Variants in ERCC3 observed in about 807,000 individuals in gnomAD.
The protein encoded by ERCC3 is ERCC excision repair 3, TFIIH core complex helicase subunit, also known as general transcription and DNA repair factor IIH helicase/translocase subunit XPB.
Under a neutral mutation model 94.2 loss-of-function variants are expected in ERCC3, and 66 were observed. The ratio of observed to expected loss-of-function variants is 0.70; its 90% confidence interval spans 0.57 to 0.86. ERCC3 has a LOEUF of 0.86. Ranked by LOEUF, ERCC3 falls within the 40% of genes least tolerant of loss-of-function variation. The pLI, the probability that ERCC3 is intolerant of heterozygous loss-of-function variation, is 0.00. For missense variants in ERCC3, 829 were observed against 987.1 expected (o/e 0.84, Z 2.15); for synonymous variants, 349 against 369.1 (o/e 0.95, Z 0.63).
intron 1 of ERCC3, 125 bp downstream of exon 1, chr2:127,293,929 A>G (rs1412985631): frequency 9.8e-6 from 15 of 1,532,434 alleles, no homozygotes; most frequent in Non-Finnish European, 1.3e-5. Context: ...GCCTGTCCCA[A>G]CGGGGTGCGC....
intron 10 of ERCC3, among the ~76,000 whole-genome samples, chr2:127,273,253 GTCT>G (rs1332154779): frequency 1.3e-4 from 20 of 152,052 alleles, no homozygotes; most frequent in African/African-American, 4.8e-4. Context: ...TCAGCACAGA[GTCT>G]ATACAAGGAG....
chr2:127,292,503 C>G, intron 3 of ERCC3, 107 bp downstream of exon 3: 1 of 822,166 alleles, frequency 1.2e-6, no homozygotes, highest in Non-Finnish European at 2.2e-6. Context: ...CACAGGAAAT[C>G]TGAATGGCAC....
Position 127,293,256 on chromosome 2 carries a change from C to T in ERCC3, c.234+257G>A, listed in dbSNP as rs114792948. 2.3e-3 allele frequency among the ~76,000 whole-genome samples: 354 copies of T among 152,346 alleles called. 1 individual carries two copies. The highest frequency in any genetic ancestry group is 7.7e-3 in the African/African-American group (321 of 41,584). The stretch of plus-strand genomic sequence containing the variant: ...TTTATTCGGCAGATAAAAGGATTCA[C>T]TACATGGGGTAGGGCTGGGGAAGGA... On this transcript the variant is annotated intron_variant, in intron 2 of 14. Transcript: ENST00000285398.
At chr2:127,287,056 T>C in intron 7 of ERCC3, 39 bp from the exon 8 acceptor site, 2 of 1,537,546 alleles carry the variant, frequency 1.3e-6, no homozygotes, top group Non-Finnish European at 1.8e-6. Flanking sequence ...CAAGGACAGG[T>C]TGAAATGAAG....
At chr2:127,273,606 G>C (rs1004857869) in intron 10 of ERCC3, among the ~76,000 whole-genome samples, 1 of 151,804 alleles carries the variant, frequency 6.6e-6, no homozygotes, top group Non-Finnish European at 1.5e-5. Context: ...AAAATTAGCC[G>C]AGTGTGGTGG....
At chr2:127,286,670 A>C in intron 8 of ERCC3, 33 bp downstream of exon 8, 1 of 1,606,178 alleles carries the variant, frequency 6.2e-7, no homozygotes, top group Non-Finnish European at 8.5e-7. Flanking sequence ...TTGTCTGTTC[A>C]GCAAGTGGAC....
At chr2:127,292,387 CA>C in intron 3 of ERCC3, 1 of 613,876 alleles carries the variant, frequency 1.6e-6, no homozygotes, top group Admixed American at 2.2e-5. Context: ...ACCCAGAACA[CA>C]ATGCTGGATC....
intron 10 of ERCC3, among the ~76,000 whole-genome samples, chr2:127,278,808 G>A (rs1006738609): frequency 6.6e-6 from 1 of 152,152 alleles, no homozygotes; most frequent in African/African-American, 2.4e-5. Flanking sequence ...CAGCCCCTAG[G>A]CCATCCAGTC....
rs35007173 is a variant in ERCC3, at chr2:127,279,759, T to TAA, written c.1528-386_1528-385dup. Among the ~76,000 whole-genome samples, 1 of 145,334 alleles carries TAA rather than the reference T, an allele frequency of 6.9e-6. No homozygotes were observed. Among genetic ancestry groups the TAA allele is most frequent in the African/African-American group, 2.5e-5 (1 of 39,678 alleles). ...TGGGTGACAGAGTGAGACCCTGTTTTAAAAAAAAAAAAATGCTATGTGAAT... is the reference window on the plus strand; with the variant it reads ...TGGGTGACAGAGTGAGACCCTGTTTTAAAAAAAAAAAAAAATGCTATGTGAAT... On this transcript the variant is annotated intron_variant, in intron 9 of 14. Transcript: ENST00000285398. The surrounding 1 kb of genome is among the most constrained non-coding windows in gnomAD (Gnocchi z 4.7).
chr2:127,263,794 G>A (rs971024750), intron 12 of ERCC3, among the ~76,000 whole-genome samples: 8 of 149,828 alleles, frequency 5.3e-5, no homozygotes, highest in African/African-American at 1.7e-4. Context: ...TGCAAGCTCC[G>A]CCTCCCAGGT....
chr2:127,283,600 C>T (rs1558959121), intron 8 of ERCC3, among the ~76,000 whole-genome samples: 1 of 152,200 alleles, frequency 6.6e-6, no homozygotes, highest in Non-Finnish European at 1.5e-5. Flanking sequence ...AGGAATGGGA[C>T]TGATGGGTCA....
In ERCC3 at chr2:127,280,679, TTTTA is replaced by T. The variant is rs751744756; in HGVS notation, c.1343-52_1343-49del. The T allele has an allele frequency of 2.0e-6, 3 of 1,483,246 alleles. No individual in the cohort carries two copies. Among genetic ancestry groups the T allele is most frequent in the East Asian group, 2.4e-5 (1 of 41,204 alleles). 91.9% of individuals were successfully genotyped at this position (1,483,246 alleles called of 1,614,324 possible). A position where few individuals can be genotyped will look rare whatever the true frequency, so the allele number is the denominator to read the frequency against. On this transcript the variant is annotated intron_variant, in intron 8 of 14. Coordinates refer to ENST00000285398, the MANE Select transcript of ERCC3 (RefSeq NM_000122.2). The surrounding 1 kb of genome is among the most constrained non-coding windows in gnomAD (Gnocchi z 6.3). ...CACACTGTCACTTTTCTTTCTTATT[TTTTA>T]TTTATTTATTTTAAAATATTTTTTG...
chr2:127,280,365 G>T lies in ERCC3; in HGVS notation c.1527+82C>A. 3 of 1,269,222 alleles carry T rather than the reference G, an allele frequency of 2.4e-6. No individual in the cohort carries two copies. Among genetic ancestry groups the T allele is most frequent in the South Asian group, 1.3e-5 (1 of 78,488 alleles). The allele number at this position is 1,269,222 out of a possible 1,614,324, so 78.6% of individuals were successfully genotyped here. ...TGAGCCTAAGTCCTGACCTGTGTCT[G>T]CCCATGAGGAATCGATCTGATCACT... On this transcript the variant is annotated intron_variant, in intron 9 of 14. Coordinates refer to ENST00000285398, the MANE Select transcript of ERCC3 (RefSeq NM_000122.2). The surrounding 1 kb of genome is among the most constrained non-coding windows in gnomAD (Gnocchi z 6.3).
At position 127,258,132 on chromosome 2, in the gene ERCC3, T is replaced by C. The variant is rs1471809593; in HGVS notation, c.2218-405A>G. On this transcript the variant is annotated intron_variant, in intron 14 of 14. Transcript: ENST00000285398. The surrounding 1 kb of genome is among the most constrained non-coding windows in gnomAD (Gnocchi z 4.1). ...TTTTAAGAGAGAAACAGGGTCTCGA[T>C]ATGTTGACCATGCTGGTCTCAAACT... Among the ~76,000 whole-genome samples the C allele has an allele frequency of 6.6e-6, 1 of 152,098 alleles. No individual in the cohort carries two copies. The highest frequency in any genetic ancestry group is 1.5e-5 in the Non-Finnish European group (1 of 68,004).
At chr2:127,278,128 C>T (rs537561694) in intron 10 of ERCC3, among the ~76,000 whole-genome samples, 65 of 151,950 alleles carry the variant, frequency 4.3e-4, no homozygotes, top group African/African-American at 1.5e-3. Flanking sequence ...GACCCAGCTA[C>T]TCGGGAGGCT....
intron 11 of ERCC3, among the ~76,000 whole-genome samples, chr2:127,272,018 T>C (rs938730841): frequency 7.4e-6 from 1 of 135,646 alleles, no homozygotes; most frequent in African/African-American, 2.8e-5. Context: ...TTTTTTTTTT[T>C]TTTTTTTTTT....
In ERCC3 at chr2:127,289,263, G is replaced by T. The variant is rs1198153952; in HGVS notation, c.822+74C>A. 15 of 1,348,294 alleles carry T rather than the reference G, an allele frequency of 1.1e-5. No individual in the cohort carries two copies. In the Admixed American group the frequency reaches 2.5e-4, roughly 23 times the overall value. The allele number at this position is 1,348,294 out of a possible 1,614,324, so 83.5% of individuals were successfully genotyped here. On this transcript the variant is annotated intron_variant, in intron 6 of 14. Transcript: ENST00000285398. ...CTTCCTTTCACACAGACTACAGGCAGAGTCGACACATGGCTGGACTAGCTT... is the reference window on the plus strand; with the variant it reads ...CTTCCTTTCACACAGACTACAGGCATAGTCGACACATGGCTGGACTAGCTT...
At chr2:127,267,975 CAG>C (rs1480617044) in intron 12 of ERCC3, among the ~76,000 whole-genome samples, 1 of 151,854 alleles carries the variant, frequency 6.6e-6, no homozygotes, top group African/African-American at 2.4e-5. Flanking sequence ...TGTTTTGAGA[CAG>C]AGTCTTGCTG....
At chr2:127,269,713 G>A (rs1024620613) in intron 12 of ERCC3, among the ~76,000 whole-genome samples, 2 of 148,752 alleles carry the variant, frequency 1.3e-5, no homozygotes, top group Admixed American at 6.7e-5. Flanking sequence ...GAGCCACCGC[G>A]CCTGGCCTTC....
Sources: gnomAD v4.1 joint callset for allele counts (sites outside exome capture counted in the v4.1 genomes callset) on GRCh38, gnomAD v4.1.1 for gene constraint, Gnocchi (gnomAD v3.1) non-coding constraint, MANE v1.5 for transcripts, NCBI Gene and HGNC (gene_info 2026-07-23, HGNC 2026-07-21) for gene names.